The following GALNT16 variants were observed in gnomAD, a reference collection of about 807,000 sequenced individuals.
GALNT16 encodes UDP-GalNAc:polypeptide N-acetylgalactosaminyltransferase-like protein 1.
Under a neutral mutation model 76.1 loss-of-function variants are expected in GALNT16, and 40 were observed. The observed-to-expected ratio is 0.53, with a 90% CI of 0.41 to 0.68. GALNT16 has a LOEUF of 0.68. Ranked by LOEUF, GALNT16 falls within the 30% of genes least tolerant of loss-of-function variation. The pLI is 0.00. For missense variants in GALNT16, 621 were observed against 731.9 expected, an observed-to-expected ratio of 0.85 and a Z score of 1.75; for synonymous variants, 276 against 285.2, an observed-to-expected ratio of 0.97 and a Z score of 0.32.
Position 69,331,458 on chromosome 14 carries a change from T to C in GALNT16, c.691-6T>C, listed in dbSNP as rs1566883804. The C allele has an allele frequency of 1.3e-6, 2 of 1,563,158 alleles. No individual in the cohort carries two copies. Among genetic ancestry groups the C allele is most frequent in the Non-Finnish European group, 1.8e-6 (2 of 1,133,810 alleles). On this transcript the variant is annotated splice_polypyrimidine_tract_variant and splice_region_variant and intron_variant, in intron 6 of 14. Transcript: ENST00000448469. Reference sequence around the variant, plus strand: ...GGCCTCACACCATCTCACATCTCTCTCCTAGGACCACACCCGCGTGGTGAG... The same window carrying C: ...GGCCTCACACCATCTCACATCTCTCCCCTAGGACCACACCCGCGTGGTGAG...
chr14:69,355,484 A>C (rs1221736414), downstream of GALNT16: 1 of 151,804 alleles, frequency 6.6e-6, no homozygotes, highest in Admixed American at 6.6e-5. Context: ...TTTCACCCTC[A>C]GCCTTGGAGG....
the GALNT16 span, among the ~76,000 whole-genome samples, chr14:69,363,466 C>T: frequency 0.14 from 21,392 of 152,086 alleles, 1,598 homozygotes; most frequent in East Asian, 0.18. Context: ...TTCTGAAACT[C>T]GGTCCCCTCA....
At chr14:69,342,322 C>G (rs2045498944) in intron 12 of GALNT16, among the ~76,000 whole-genome samples, 2 of 151,468 alleles carry the variant, frequency 1.3e-5, no homozygotes, top group Admixed American at 6.6e-5. Flanking sequence ...GTGGCACACA[C>G]CTATGAGTGG....
intron 1 of GALNT16, among the ~76,000 whole-genome samples, chr14:69,319,006 G>C (rs1382621046): frequency 6.6e-6 from 1 of 152,164 alleles, no homozygotes; most frequent in Non-Finnish European, 1.5e-5. Context: ...TGGATTTTGA[G>C]TTCACTGGGG....
intron 9 of GALNT16, among the ~76,000 whole-genome samples, chr14:69,336,690 T>G (rs74514589): frequency 6.6e-6 from 1 of 151,504 alleles, no homozygotes; most frequent in African/African-American, 2.4e-5. Flanking sequence ...TGATATGCTG[T>G]ATTTATTTTA....
rs1160608596 is a variant in GALNT16, at chr14:69,352,004, C to T, written c.1540-27C>T. ...TTTAAATCATTGTTTTCTCCTTCCT[C>T]TTCTAACCCATCTCTGTTCCTCCTA... On this transcript the variant is annotated intron_variant, in intron 14 of 14. Coordinates refer to ENST00000448469, the MANE Select transcript of GALNT16 (RefSeq NM_001168368.2). 3.1e-6 allele frequency: 5 copies of T among 1,596,898 alleles called. No individual in the cohort carries two copies. The South Asian group carries it at 4.5e-5, about 14-fold the overall frequency.
chr14:69,371,203 G>C, the GALNT16 span, among the ~76,000 whole-genome samples: 1 of 152,010 alleles, frequency 6.6e-6, no homozygotes, highest in Non-Finnish European at 1.5e-5. Flanking sequence ...GTAACTTCAC[G>C]GTAACATGAA....
At chr14:69,276,739 T>C (rs2044476264) in intron 1 of GALNT16, among the ~76,000 whole-genome samples, 1 of 152,036 alleles carries the variant, frequency 6.6e-6, no homozygotes, top group Admixed American at 6.5e-5. Context: ...TAAACAGTTG[T>C]TAATTCTGGT....
chr14:69,363,668 A>G, the GALNT16 span, among the ~76,000 whole-genome samples: 4 of 129,032 alleles, frequency 3.1e-5, no homozygotes, highest in East Asian at 2.5e-4. Flanking sequence ...GTGGTCAGTA[A>G]GTGTGTGCTA....
chr14:69,376,318 T>C, the GALNT16 span, among the ~76,000 whole-genome samples: 3 of 152,200 alleles, frequency 2.0e-5, no homozygotes, highest in Non-Finnish European at 4.4e-5. Context: ...CCTTAGTTGG[T>C]GACACAGGAC....
intron 1 of GALNT16, among the ~76,000 whole-genome samples, chr14:69,273,448 C>CG (rs1166446542): frequency 6.6e-6 from 1 of 152,088 alleles, no homozygotes; most frequent in Non-Finnish European, 1.5e-5. Flanking sequence ...CCAGGCTGAG[C>CG]GGGAAAGAGG....
chr14:69,290,456 C>T (rs1284458884), intron 1 of GALNT16, among the ~76,000 whole-genome samples: 1 of 152,218 alleles, frequency 6.6e-6, no homozygotes, highest in East Asian at 1.9e-4. Flanking sequence ...CCAGAATCAT[C>T]TGTGTTTGGT....
At chr14:69,341,437 C>T (rs190204172) in intron 11 of GALNT16, among the ~76,000 whole-genome samples, 1 of 152,344 alleles carries the variant, frequency 6.6e-6, no homozygotes, top group Non-Finnish European at 1.5e-5. Flanking sequence ...GGTCTGTGCT[C>T]ACCCTGAAAG....
chr14:69,287,672 G>T (rs2044631508), intron 1 of GALNT16, among the ~76,000 whole-genome samples: 1 of 152,138 alleles, frequency 6.6e-6, no homozygotes, highest in African/African-American at 2.4e-5. Context: ...GAGATTAAGT[G>T]ACTTGTCCAA....
intron 14 of GALNT16, chr14:69,351,050 G>A (rs78343171): frequency 0.018 from 2,704 of 152,426 alleles, 80 homozygotes; most frequent in African/African-American, 0.06. Context: ...CACTGACCAG[G>A]AGCCCCTGCA....
chr14:69,265,867 G>A (rs1428473205), intron 1 of GALNT16, among the ~76,000 whole-genome samples: 1 of 152,142 alleles, frequency 6.6e-6, no homozygotes, highest in African/African-American at 2.4e-5. Flanking sequence ...TGTGGTCTTT[G>A]ACCCGTACCT....
At chr14:69,378,523 TC>T in the GALNT16 span, among the ~76,000 whole-genome samples, 6 of 152,200 alleles carry the variant, frequency 3.9e-5, no homozygotes, top group African/African-American at 1.4e-4. Flanking sequence ...CATTTCACCT[TC>T]ACAAAAAGGC....
At position 69,347,995 on chromosome 14, in the gene GALNT16, GC is replaced by G. The variant is rs1198687022; in HGVS notation, c.1533del (p.Lys512SerfsTer28). On this transcript the variant is annotated frameshift_variant, in exon 14 of 15. Transcript: ENST00000448469. LOFTEE classifies it high-confidence loss of function. ...CTGCAGATGTGCAACCCTAGAGAAG[GC>G]AAGCAGGTGAGTCTCCTTGCCTCTG... is the stretch of plus-strand genomic sequence containing the variant. ...VILQMCNPREGKQKWRRKGSF... is the reference protein window; with the variant it reads ...VILQMCNPREXKQKWRRKGSF... 6.2e-7 allele frequency: 1 copy of G among 1,614,054 alleles called. No individual in the cohort carries two copies. Among genetic ancestry groups the G allele is most frequent in the South Asian group, 1.1e-5 (1 of 91,082 alleles).
intron 1 of GALNT16, among the ~76,000 whole-genome samples, chr14:69,308,893 A>G (rs538299167): frequency 1.1e-4 from 16 of 152,354 alleles, no homozygotes; most frequent in Admixed American, 1.0e-3. Context: ...AAAAGCTTCT[A>G]TTTCTTCAAA....
Sources: gnomAD v4.1 joint callset for allele counts (sites outside exome capture counted in the v4.1 genomes callset) on GRCh38, gnomAD v4.1.1 for gene constraint, MANE v1.5 for transcripts, NCBI Gene and HGNC (gene_info 2026-07-23, HGNC 2026-07-21) for gene names.